The following ARHGEF3 variants were observed in gnomAD, a reference collection of about 807,000 sequenced individuals.
ARHGEF3 encodes the protein Rho guanine nucleotide exchange factor 3.
ARHGEF3 carries 28 observed loss-of-function variants against 63.2 expected under a neutral mutation model. That is an observed-to-expected ratio of 0.44 (90% CI 0.33 to 0.61). ARHGEF3 has a LOEUF of 0.61. Ranked by LOEUF, ARHGEF3 falls within the 20% of genes least tolerant of loss-of-function variation. ARHGEF3 has a pLI of 0.03. For missense variants in ARHGEF3, 533 were observed against 659.3 expected (o/e 0.81, Z 2.10); for synonymous variants, 266 against 254.2 (o/e 1.05, Z -0.44).
intron 3 of ARHGEF3, among the ~76,000 whole-genome samples, chr3:56,945,129 G>C (rs1000241801): frequency 6.6e-6 from 1 of 152,088 alleles, no homozygotes; most frequent in African/African-American, 2.4e-5. Context: ...TTAAGAAATT[G>C]CCAGGGGTGG....
chr3:56,964,439 A>G (rs1700407305), intron 2 of ARHGEF3, among the ~76,000 whole-genome samples: 1 of 151,950 alleles, frequency 6.6e-6, no homozygotes, highest in South Asian at 2.1e-4. Context: ...TCTTTCCAGC[A>G]GTCCAGCTGA....
chr3:56,736,191 T>C (rs909402068), intron 8 of ARHGEF3, among the ~76,000 whole-genome samples: 2 of 152,176 alleles, frequency 1.3e-5, no homozygotes, highest in African/African-American at 4.8e-5. Flanking sequence ...CATTCATTCA[T>C]TGAGTACCCA....
At chr3:56,967,929 AATATAAAATATATTATATATTATAT>A (rs1413472619) in intron 2 of ARHGEF3, among the ~76,000 whole-genome samples, 1 of 71,790 alleles carries the variant, frequency 1.4e-5, no homozygotes, top group Non-Finnish European at 2.4e-5. Context: ...TATTATATAT[AATATAAAATATATTATATATTATAT>A]ATATAAAATA....
At chr3:56,805,635 C>G (rs1418521768), upstream of ARHGEF3, among the ~76,000 whole-genome samples, 1 of 152,176 alleles carries the variant, frequency 6.6e-6, no homozygotes, top group Non-Finnish European at 1.5e-5. Flanking sequence ...TCCATCTTCT[C>G]TTAAAACATT....
intron 1 of ARHGEF3, among the ~76,000 whole-genome samples, chr3:56,787,226 C>A (rs1467812476): frequency 6.6e-6 from 1 of 152,154 alleles, no homozygotes; most frequent in Non-Finnish European, 1.5e-5. Flanking sequence ...GCCAGGCCCT[C>A]CTTCCCTCTG....
chr3:56,898,480 A>T (rs945697843), intron 3 of ARHGEF3: 67 of 159,814 alleles, frequency 4.2e-4, no homozygotes, highest in African/African-American at 1.6e-3. Context: ...AAGTGCTGAG[A>T]TTACAGGCAT....
At position 56,789,685 on chromosome 3, in the gene ARHGEF3, T is replaced by C. The variant is rs368314532; in HGVS notation, c.96+12018A>G. ...GTATTGCCATGATAATTTTTTGCCA[T>C]ATGTACATATCACCTGAGCTATTAT... is the stretch of plus-strand genomic sequence containing the variant. On this transcript the variant is annotated intron_variant, in intron 1 of 9. Coordinates refer to ENST00000296315, the MANE Select transcript of ARHGEF3 (RefSeq NM_019555.3). Among the ~76,000 whole-genome samples, 8 of 152,254 alleles carry C rather than the reference T, an allele frequency of 5.3e-5. No individual in the cohort carries two copies. In the East Asian group the frequency reaches 1.5e-3, roughly 29 times the overall value.
chr3:56,814,536 T>C (rs762023824), intron 4 of ARHGEF3, among the ~76,000 whole-genome samples: 5 of 152,078 alleles, frequency 3.3e-5, no homozygotes, highest in Non-Finnish European at 7.4e-5. Flanking sequence ...GATATGAGAG[T>C]TTCAAGGTTT....
chr3:57,064,552 C>G (rs1034937767), intron 1 of ARHGEF3, among the ~76,000 whole-genome samples: 1 of 152,154 alleles, frequency 6.6e-6, no homozygotes, highest in Non-Finnish European at 1.5e-5. Context: ...AACCCCTGGG[C>G]TCAACATCCG....
At chr3:56,940,901 C>T (rs989843564) in intron 3 of ARHGEF3, 1 of 152,078 alleles carries the variant, frequency 6.6e-6, no homozygotes, top group Non-Finnish European at 1.5e-5. Flanking sequence ...ATAAGAGACC[C>T]GATGCTCTGA....
chr3:57,073,464 A>T lies in ARHGEF3; in HGVS notation c.-28+5762T>A, dbSNP rs1290545206. ...GAAAGAGCTTCCAAGTAGTGGAAACAGCAGAAGCAAAGATGTGAACATGGG... is the reference window on the plus strand; with the variant it reads ...GAAAGAGCTTCCAAGTAGTGGAAACTGCAGAAGCAAAGATGTGAACATGGG... On this transcript the variant is annotated intron_variant, in intron 1 of 12. Coordinates refer to the ARHGEF3 transcript ENST00000338458. The T allele has an allele frequency of 8.9e-6, 5 of 564,844 alleles. No individual in the cohort carries two copies. In the East Asian group the frequency reaches 1.6e-4, roughly 18 times the overall value. The allele number at this position is 564,844 out of a possible 1,614,324, so 35.0% of individuals were successfully genotyped here. A position where few individuals can be genotyped will look rare whatever the true frequency, so the allele number is the denominator to read the frequency against.
rs1699859087 is a variant in ARHGEF3 at position 56,952,520 on chromosome 3, A to C, written c.129+6303T>G. On this transcript the variant is annotated intron_variant, in intron 3 of 12. Transcript: ENST00000338458. ...TGAACAACTGCTGTTTAAGCTGCTAAATTTATAATAATTTGTTACTCAGCA... is the reference window on the plus strand; with the variant it reads ...TGAACAACTGCTGTTTAAGCTGCTACATTTATAATAATTTGTTACTCAGCA... Among the ~76,000 whole-genome samples the C allele has an allele frequency of 2.0e-5, 3 of 152,190 alleles. No homozygotes were observed. In the South Asian group the frequency reaches 6.2e-4, roughly 32 times the overall value.
chr3:56,980,441 G>T (rs767005794), intron 2 of ARHGEF3, among the ~76,000 whole-genome samples: 1 of 152,190 alleles, frequency 6.6e-6, no homozygotes, highest in Non-Finnish European at 1.5e-5. Flanking sequence ...TCCTGGATAC[G>T]TGTCACTCTC....
chr3:56,979,187 T>G (rs952320329), intron 2 of ARHGEF3, among the ~76,000 whole-genome samples: 3 of 152,200 alleles, frequency 2.0e-5, no homozygotes, highest in Non-Finnish European at 4.4e-5. Context: ...AATTTCTACA[T>G]ATCCAATAAG....
chr3:57,032,399 G>A (rs1026084334), intron 2 of ARHGEF3, among the ~76,000 whole-genome samples: 13 of 152,204 alleles, frequency 8.5e-5, no homozygotes, highest in African/African-American at 2.7e-4. Context: ...AAACATGGGC[G>A]TGATGGCCCC....
intron 1 of ARHGEF3, chr3:57,074,076 C>T: frequency 6.2e-7 from 1 of 1,614,058 alleles, no homozygotes; most frequent in South Asian, 1.1e-5. Flanking sequence ...CTCTACACCT[C>T]AATTTCTTGG....
chr3:57,008,835 C>G lies in ARHGEF3; in HGVS notation c.62+26253G>C, dbSNP rs1014617992. 1.1e-3 allele frequency among the ~76,000 whole-genome samples: 162 copies of G among 152,218 alleles called. 2 individuals are homozygous for G. Among genetic ancestry groups the G allele is most frequent in the Admixed American group, 3.9e-4 (6 of 15,278 alleles). ...AACCCTAGGGGCACAAGCACAGCAT[C>G]TCTCAAGTCCCTTGCAAGCTGGTGG... On this transcript the variant is annotated intron_variant, in intron 2 of 12. Coordinates refer to the ARHGEF3 transcript ENST00000338458.
At chr3:57,002,695 A>G (rs1702302986) in intron 2 of ARHGEF3, among the ~76,000 whole-genome samples, 1 of 149,030 alleles carries the variant, frequency 6.7e-6, no homozygotes, top group African/African-American at 2.5e-5. Context: ...GTCACCCAGG[A>G]ATTAAGCCTA....
chr3:57,054,120 T>G (rs148494313), intron 1 of ARHGEF3, among the ~76,000 whole-genome samples: 57 of 152,330 alleles, frequency 3.7e-4, no homozygotes, highest in Admixed American at 2.7e-3. Context: ...ATACTCCCAC[T>G]AGCAGTGTGT....
Sources: gnomAD v4.1 joint callset for allele counts (sites outside exome capture counted in the v4.1 genomes callset) on GRCh38, gnomAD v4.1.1 for gene constraint, MANE v1.5 for transcripts, NCBI Gene and HGNC (gene_info 2026-07-23, HGNC 2026-07-21) for gene names.